The following TBX15 variants were observed in gnomAD, a reference collection of about 807,000 sequenced individuals.
TBX15 encodes the protein T-box transcription factor 15.
In TBX15, 18 loss-of-function variants were observed where a neutral mutation model predicts 53.9. That is an observed-to-expected ratio of 0.33 (90% CI 0.23 to 0.49). The LOEUF (loss-of-function observed/expected upper bound fraction) is 0.49, where lower values mean the gene tolerates loss of function less well. TBX15 is among the 20% of genes least tolerant of loss of function. The pLI, the probability that TBX15 is intolerant of heterozygous loss-of-function variation, is 0.98. For synonymous variants in TBX15, 295 were observed against 278.0 expected, an observed-to-expected ratio of 1.06 and a Z score of -0.61; for missense variants, 692 against 749.5, an observed-to-expected ratio of 0.92 and a Z score of 0.90.
At chr1:118,911,060 T>C (rs1655011360) in intron 6 of TBX15, among the ~76,000 whole-genome samples, 1 of 152,200 alleles carries the variant, frequency 6.6e-6, no homozygotes. Flanking sequence ...CTGTTGAAGA[T>C]AAAATAAGTC....
intron 1 of TBX15, among the ~76,000 whole-genome samples, chr1:118,979,306 G>A (rs140930718): frequency 5.5e-5 from 8 of 145,324 alleles, no homozygotes; most frequent in African/African-American, 2.1e-4. Flanking sequence ...GGCAATGCCC[G>A]CTTTCTGGGC....
At chr1:118,924,043 A>G (rs945659577) in intron 4 of TBX15, among the ~76,000 whole-genome samples, 1 of 152,226 alleles carries the variant, frequency 6.6e-6, no homozygotes, top group Admixed American at 6.5e-5. Context: ...AGTAAATGGT[A>G]GATATGGGTT....
intron 7 of TBX15, 29 bp from the exon 8 acceptor site, chr1:118,885,545 G>T: frequency 6.4e-7 from 1 of 1,554,136 alleles, no homozygotes; most frequent in South Asian, 1.2e-5. Flanking sequence ...ATACTATTGA[G>T]ACAGAGTCTT....
intron 1 of TBX15, among the ~76,000 whole-genome samples, chr1:118,980,834 T>A (rs570530554): frequency 6.6e-6 from 1 of 152,170 alleles, no homozygotes; most frequent in African/African-American, 2.4e-5. Flanking sequence ...TGGTGCTTTT[T>A]TTTTTCCTTC....
rs1196353112 is a variant in TBX15 at position 118,883,115 on chromosome 1, G to A, written c.*1617C>T. ...TTAGAAACAGAGTTCCGTGCATAAG[G>A]GCAAATTTTTGTACACCTTTTCTTC... On this transcript the variant is annotated 3_prime_UTR_variant, in exon 8 of 8. Transcript: ENST00000369429. The A allele has an allele frequency of 6.6e-6, 1 of 152,500 alleles. No homozygotes were observed. The highest frequency in any genetic ancestry group is 1.5e-5 in the Non-Finnish European group (1 of 68,014). 9.4% of individuals were successfully genotyped at this position (152,500 alleles called of 1,614,324 possible).
intron 6 of TBX15, among the ~76,000 whole-genome samples, chr1:118,913,651 G>C (rs909422543): frequency 6.6e-6 from 1 of 152,006 alleles, no homozygotes; most frequent in Non-Finnish European, 1.5e-5. Flanking sequence ...ATATATTTTG[G>C]AACTATTTCC....
rs1653893796 is a variant in TBX15, at chr1:118,885,186, G to A, written c.1355C>T (p.Thr452Ile). The A allele has an allele frequency of 6.2e-7, 1 of 1,614,076 alleles. No homozygotes were observed. Reference sequence around the variant, plus strand: ...GCTGTTGCCAGGCAACGAGGGAGGAGTTGGTATTCCTGAGATCAGGGATGG... The same window carrying A: ...GCTGTTGCCAGGCAACGAGGGAGGAATTGGTATTCCTGAGATCAGGGATGG... ...RTPSLISGIP[T>I]PPSLPGNSKM... is the part of the protein sequence containing the mutation. The change falls in exon 8 of 8, where the codon ACT becomes ATT. Residue 452 changes from threonine (T) to isoleucine (I), a missense_variant. Physicochemically the swap from Thr to Ile is moderately conservative, Grantham distance 89. Coordinates refer to ENST00000369429, the MANE Select transcript of TBX15 (RefSeq NM_001330677.2).
At chr1:118,974,448 C>A (rs1657352436) in intron 1 of TBX15, among the ~76,000 whole-genome samples, 1 of 152,104 alleles carries the variant, frequency 6.6e-6, no homozygotes, top group Admixed American at 6.5e-5. Flanking sequence ...ATCCACGCAC[C>A]AAAACAGGGG....
At chr1:118,975,040 C>T (rs1468172650) in intron 1 of TBX15, among the ~76,000 whole-genome samples, 1 of 152,184 alleles carries the variant, frequency 6.6e-6, no homozygotes, top group Non-Finnish European at 1.5e-5. Context: ...AGATTCCATC[C>T]ATCCCATTGT....
At chr1:118,968,251 G>C (rs1657119490) in intron 1 of TBX15, among the ~76,000 whole-genome samples, 1 of 152,260 alleles carries the variant, frequency 6.6e-6, no homozygotes, top group East Asian at 1.9e-4. Context: ...GTCTCCCTCT[G>C]TCACCCAGGC....
chr1:118,929,250 G>A (rs1166620177), intron 2 of TBX15, among the ~76,000 whole-genome samples: 1 of 152,118 alleles, frequency 6.6e-6, no homozygotes, highest in Non-Finnish European at 1.5e-5. Flanking sequence ...TTTGGGGTGT[G>A]GAAGGAGGTA....
chr1:118,902,228 A>G (rs769960535), intron 6 of TBX15, among the ~76,000 whole-genome samples: 1 of 152,040 alleles, frequency 6.6e-6, no homozygotes, highest in African/African-American at 2.4e-5. Context: ...ACCATATTCT[A>G]CCTGTTTTAT....
chr1:118,901,446 C>T (rs752458155), intron 6 of TBX15: 6 of 455,774 alleles, frequency 1.3e-5, no homozygotes, highest in Non-Finnish European at 2.6e-5. Flanking sequence ...GTTTGGAACA[C>T]ATAAACTTTG....
At chr1:118,941,757 A>G (rs1656183917) in intron 1 of TBX15, among the ~76,000 whole-genome samples, 1 of 152,150 alleles carries the variant, frequency 6.6e-6, no homozygotes, top group Admixed American at 6.5e-5. Context: ...TAGGTCCATA[A>G]ATAAGTCTAA....
chr1:118,955,044 C>G (rs1251157767), intron 1 of TBX15, among the ~76,000 whole-genome samples: 1 of 152,184 alleles, frequency 6.6e-6, no homozygotes, highest in Non-Finnish European at 1.5e-5. Flanking sequence ...CAGAATCCCT[C>G]TTCATGGGTG....
chr1:118,973,639 A>G (rs1022005912), intron 1 of TBX15, among the ~76,000 whole-genome samples: 4 of 152,150 alleles, frequency 2.6e-5, no homozygotes, highest in Admixed American at 1.3e-4. Context: ...GCAAAGAAAA[A>G]GAAGAATGTA....
At chr1:118,915,805 C>G (rs1404751817) in intron 5 of TBX15, among the ~76,000 whole-genome samples, 2 of 152,178 alleles carry the variant, frequency 1.3e-5, no homozygotes, top group East Asian at 3.9e-4. Context: ...TGACACATGA[C>G]TGTGATACCA....
At chr1:118,946,902 C>T (rs1046586408) in intron 1 of TBX15, among the ~76,000 whole-genome samples, 1 of 152,202 alleles carries the variant, frequency 6.6e-6, no homozygotes, top group Admixed American at 6.5e-5. Context: ...GTTCTCTTTT[C>T]CCCTATCTCC....
chr1:118,901,156 T>G (rs879560531), intron 6 of TBX15, among the ~76,000 whole-genome samples: 5 of 152,198 alleles, frequency 3.3e-5, no homozygotes, highest in Admixed American at 3.3e-4. Context: ...TACCATATGC[T>G]AGGTAATTTA....
Sources: gnomAD v4.1 joint callset for allele counts (sites outside exome capture counted in the v4.1 genomes callset) on GRCh38, gnomAD v4.1.1 for gene constraint, MANE v1.5 for transcripts, NCBI Gene and HGNC (gene_info 2026-07-23, HGNC 2026-07-21) for gene names.